The following TBX15 variants were observed in gnomAD, a reference collection of about 807,000 sequenced individuals.
The protein encoded by TBX15 is T-box transcription factor TBX15.
TBX15 carries 18 observed loss-of-function variants against 53.9 expected under a neutral mutation model. That is an observed-to-expected ratio of 0.33 (90% CI 0.23 to 0.49). TBX15 has a LOEUF of 0.49. Ranked by LOEUF, TBX15 falls within the 20% of genes least tolerant of loss-of-function variation. The pLI is 0.98. For synonymous variants in TBX15, 295 were observed against 278.0 expected (o/e 1.06, Z -0.61); for missense variants, 692 against 749.5 (o/e 0.92, Z 0.90).
At chr1:118,934,208 AG>A (rs1213550998) in intron 1 of TBX15, among the ~76,000 whole-genome samples, 1 of 152,190 alleles carries the variant, frequency 6.6e-6, no homozygotes, top group Non-Finnish European at 1.5e-5. Context: ...GCAATGAAAA[AG>A]AATGAACTTA....
At chr1:118,895,138 A>G (rs1344056002) in intron 7 of TBX15, among the ~76,000 whole-genome samples, 1 of 152,166 alleles carries the variant, frequency 6.6e-6, no homozygotes, top group Non-Finnish European at 1.5e-5. Flanking sequence ...CTCAACTAAT[A>G]CAAGTCAAAC....
At chr1:118,948,893 AC>A (rs1656426100) in intron 1 of TBX15, among the ~76,000 whole-genome samples, 1 of 152,170 alleles carries the variant, frequency 6.6e-6, no homozygotes, top group Non-Finnish European at 1.5e-5. Context: ...AGAAGAAAAA[AC>A]GCAACATGTT....
intron 6 of TBX15, among the ~76,000 whole-genome samples, chr1:118,899,986 C>T (rs1228934177): frequency 1.3e-5 from 2 of 152,188 alleles, no homozygotes; most frequent in Non-Finnish European, 2.9e-5. Context: ...TGCTGATATA[C>T]ATCATTTTCA....
intron 1 of TBX15, among the ~76,000 whole-genome samples, chr1:118,935,893 T>C (rs1022476876): frequency 6.6e-6 from 1 of 152,182 alleles, no homozygotes; most frequent in Non-Finnish European, 1.5e-5. Flanking sequence ...GTCTATTTTG[T>C]GGACAAGGAC....
chr1:118,979,639 T>C (rs927450601), intron 1 of TBX15, among the ~76,000 whole-genome samples: 4 of 152,208 alleles, frequency 2.6e-5, no homozygotes, highest in African/African-American at 9.6e-5. Flanking sequence ...TGTTTTTGTT[T>C]TGTTTTGGTC....
chr1:118,949,481 C>A (rs777018694), intron 1 of TBX15, among the ~76,000 whole-genome samples: 14 of 152,204 alleles, frequency 9.2e-5, no homozygotes, highest in Admixed American at 5.2e-4. Context: ...TTCATTTCCT[C>A]CCCAACTCTT....
At chr1:118,936,730 A>T (rs1406426197) in intron 1 of TBX15, among the ~76,000 whole-genome samples, 1 of 152,170 alleles carries the variant, frequency 6.6e-6, no homozygotes, top group Non-Finnish European at 1.5e-5. Context: ...CATGCAAAAC[A>T]TCACTTAGTA....
intron 1 of TBX15, among the ~76,000 whole-genome samples, chr1:118,943,111 C>T (rs1033065530): frequency 6.6e-6 from 1 of 152,190 alleles, no homozygotes; most frequent in Non-Finnish European, 1.5e-5. Flanking sequence ...TACCATGTGT[C>T]TCAGTGAAGC....
chr1:118,987,194 G>A (rs868702127), intron 1 of TBX15, among the ~76,000 whole-genome samples: 2 of 152,230 alleles, frequency 1.3e-5, no homozygotes, highest in African/African-American at 4.8e-5. Context: ...TTGGATTGGA[G>A]AACGCCGCGC....
At chr1:118,905,454 G>GA (rs1654784210) in intron 6 of TBX15, among the ~76,000 whole-genome samples, 2 of 152,142 alleles carry the variant, frequency 1.3e-5, no homozygotes, top group Non-Finnish European at 1.5e-5. Context: ...AAATAAGGCA[G>GA]AAAAAATGTT....
At position 118,887,124 on chromosome 1, in the gene TBX15, T is replaced by C. The variant is rs565991390; in HGVS notation, c.1025-1608A>G. ...GTGAGTGCTAGGGCTGCGGGGCCCT[T>C]TATTTGAATTCTGGAAAGAGCAGCT... is the stretch of plus-strand genomic sequence containing the variant. On this transcript the variant is annotated intron_variant, in intron 7 of 7. Transcript: ENST00000369429. Among the ~76,000 whole-genome samples, 26 of 152,254 alleles carry C rather than the reference T, an allele frequency of 1.7e-4. 4 individuals carry two copies. The highest frequency in any genetic ancestry group is 6.0e-4 in the African/African-American group (25 of 41,556).
rs575972860 is a variant in TBX15, at chr1:118,926,006, T to A, written c.521+504A>T. Among the ~76,000 whole-genome samples, 71 of 152,238 alleles carry A rather than the reference T, an allele frequency of 4.7e-4. 2 individuals are homozygous for A. The highest frequency in any genetic ancestry group is 6.8e-3 in the Middle Eastern group (2 of 294). On this transcript the variant is annotated intron_variant, in intron 3 of 7. Transcript: ENST00000369429. ...TTTGAGGGAAAATTACTTAACAATC[T>A]CACTCACAACCCATATCAATGAATA...
chr1:118,957,409 T>A (rs1656726587), intron 1 of TBX15, among the ~76,000 whole-genome samples: 1 of 152,022 alleles, frequency 6.6e-6, no homozygotes, highest in Admixed American at 6.6e-5. Flanking sequence ...TGGCCTGGAG[T>A]GAAAAATTTG....
At position 118,949,127 on chromosome 1, in the gene TBX15, T is replaced by C. The variant is rs1339458716; in HGVS notation, c.206-17295A>G. Among the ~76,000 whole-genome samples, 5 of 152,098 alleles carry C rather than the reference T, an allele frequency of 3.3e-5. No homozygotes were observed. In the East Asian group the frequency reaches 9.7e-4, roughly 29 times the overall value. On this transcript the variant is annotated intron_variant, in intron 1 of 7. Transcript: ENST00000369429. ...CAAGCTCATAGGGAAGAGTACCAGATTGATTAGTGATGTGTTTCATGGACA... is the reference window on the plus strand; with the variant it reads ...CAAGCTCATAGGGAAGAGTACCAGACTGATTAGTGATGTGTTTCATGGACA...
intron 1 of TBX15, among the ~76,000 whole-genome samples, chr1:118,963,474 A>G (rs1656943395): frequency 6.6e-6 from 1 of 152,238 alleles, no homozygotes; most frequent in South Asian, 2.1e-4. Flanking sequence ...GCATCAGAAT[A>G]CATAGCTAAG....
At chr1:118,945,016 C>A (rs1329109711) in intron 1 of TBX15, among the ~76,000 whole-genome samples, 1 of 152,202 alleles carries the variant, frequency 6.6e-6, no homozygotes, top group African/African-American at 2.4e-5. Flanking sequence ...AATGCTATTA[C>A]ACAATGCTGT....
chr1:118,987,159 T>A (rs78368506), intron 1 of TBX15, among the ~76,000 whole-genome samples: 1 of 152,146 alleles, frequency 6.6e-6, no homozygotes, highest in Non-Finnish European at 1.5e-5. Context: ...ATGAGACAAC[T>A]GGTCATTCCC....
At chr1:118,893,348 GGAAGGAAGGAAAGAAAGAAAGAAA>G (rs1557872479) in intron 7 of TBX15, among the ~76,000 whole-genome samples, 2 of 60,984 alleles carry the variant, frequency 3.3e-5, no homozygotes, top group Non-Finnish European at 5.6e-5. Context: ...AAGGAAGGAA[GGAAGGAAGGAAAGAAAGAAAGAAA>G]GAAAGAAAGA....
chr1:118,894,499 A>G (rs1162988152), intron 7 of TBX15, among the ~76,000 whole-genome samples: 3 of 152,212 alleles, frequency 2.0e-5, no homozygotes, highest in African/African-American at 7.2e-5. Flanking sequence ...GTGTTTTGAA[A>G]AAAATGATTC....
Sources: gnomAD v4.1 joint callset for allele counts (sites outside exome capture counted in the v4.1 genomes callset) on GRCh38, gnomAD v4.1.1 for gene constraint, MANE v1.5 for transcripts, NCBI Gene and HGNC (gene_info 2026-07-23, HGNC 2026-07-21) for gene names.